CCDC90B: variants seen among roughly 807,000 people sequenced by gnomAD.
CCDC90B encodes coiled-coil domain-containing protein 90B, mitochondrial.
A neutral mutation model predicts 37.0 loss-of-function variants in CCDC90B; 24 were observed. The observed-to-expected ratio is 0.65, with a 90% CI of 0.47 to 0.91. The LOEUF is 0.91. Ranked by LOEUF, CCDC90B falls within the 40% of genes least tolerant of loss-of-function variation. The pLI is 0.00. For synonymous variants in CCDC90B, 113 were observed against 101.1 expected (o/e 1.12, Z -0.71); for missense variants, 319 against 299.0 (o/e 1.07, Z -0.49).
At chr11:83,277,008 T>A (rs1865076148) in intron 3 of CCDC90B, among the ~76,000 whole-genome samples, 1 of 152,146 alleles carries the variant, frequency 6.6e-6, no homozygotes, top group Non-Finnish European at 1.5e-5. Flanking sequence ...CTTCATGACA[T>A]CTCTGTGCCT....
chr11:83,269,011 A>C (rs1864471414), intron 7 of CCDC90B, among the ~76,000 whole-genome samples: 1 of 152,240 alleles, frequency 6.6e-6, no homozygotes, highest in Admixed American at 6.5e-5. Flanking sequence ...CTACTGAATG[A>C]CTACTGGGTA....
Position 83,278,769 on chromosome 11 carries a change from C to T in CCDC90B, c.281G>A (p.Ser94Asn), listed in dbSNP as rs747463863. 1.2e-6 allele frequency: 2 copies of T among 1,613,480 alleles called. No individual in the cohort carries two copies. The highest frequency in any genetic ancestry group is 4.5e-5 in the East Asian group (2 of 44,798). The change falls in exon 3 of 9, where the codon AGC becomes AAC. Residue 94 changes from serine (S) to asparagine (N), a missense_variant. Transcript: ENST00000529689. ...VSALTALSNV[S>N]LDTIYKEMVT... ...CATCTCTTTATAGATAGTATCCAGG[C>T]TGACATTTGATAAAGCAGTTAACGC...
At chr11:83,268,442 AGC>A (rs1210384544) in intron 7 of CCDC90B, among the ~76,000 whole-genome samples, 57 of 145,594 alleles carry the variant, frequency 3.9e-4, no homozygotes, top group Non-Finnish European at 7.1e-4. Context: ...AAAAAAAAAA[AGC>A]AGGGGTTGCA....
In CCDC90B at chr11:83,261,859, C is replaced by A; in HGVS notation, c.*52G>T. 7.6e-7 allele frequency: 1 copy of A among 1,314,780 alleles called. No individual in the cohort carries two copies. The highest frequency in any genetic ancestry group is 1.3e-5 in the South Asian group (1 of 78,382). The allele number at this position is 1,314,780 out of a possible 1,614,324, so 81.4% of individuals were successfully genotyped here. ...CTGACAATGTTCAAAGTAAATCTCTCCCGGTTTGGTGTTCTAAGAAGCCAA... is the reference window on the plus strand; with the variant it reads ...CTGACAATGTTCAAAGTAAATCTCTACCGGTTTGGTGTTCTAAGAAGCCAA... On this transcript the variant is annotated 3_prime_UTR_variant, in exon 9 of 9. Transcript: ENST00000529689.
chr11:83,274,507 T>C (rs2135635609), intron 4 of CCDC90B, 132 bp downstream of exon 4: 2 of 540,188 alleles, frequency 3.7e-6, no homozygotes, highest in Non-Finnish European at 6.5e-6. Context: ...AAATAGTATG[T>C]TTTTAAATCT....
At position 83,261,944 on chromosome 11, in the gene CCDC90B, T is replaced by C. The variant is rs757997773; in HGVS notation, c.732A>G (p.Ala244=). ...YLAASVFTCL[A]IALGFYRFWK is the part of the protein sequence containing the mutation. ...AGAATCTATAAAATCCCAATGCTAT[T>C]GCCAGGCAAGTAAACACCGAAGCTG... Residue 244 remains alanine (A), a synonymous_variant, in exon 9 of 9, where the codon GCA becomes GCG. Transcript: ENST00000529689. 1.2e-4 allele frequency: 187 copies of C among 1,602,448 alleles called. No individual in the cohort carries two copies. Among genetic ancestry groups the C allele is most frequent in the Non-Finnish European group, 1.5e-4 (176 of 1,174,324 alleles).
intron 7 of CCDC90B, among the ~76,000 whole-genome samples, chr11:83,271,338 C>A (rs928613721): frequency 1.3e-5 from 2 of 152,174 alleles, no homozygotes; most frequent in African/African-American, 4.8e-5. Flanking sequence ...GAACAGGCAA[C>A]CTACAGAATG....
chr11:83,285,846 C>A (rs371096895), intron 1 of CCDC90B, 27 bp downstream of exon 1: 1 of 1,599,138 alleles, frequency 6.3e-7, no homozygotes, highest in South Asian at 1.1e-5. Context: ...AGCACTCAGG[C>A]ATCTATGACA....
At chr11:83,263,064 A>G (rs1171920083) in intron 8 of CCDC90B, among the ~76,000 whole-genome samples, 4 of 152,100 alleles carry the variant, frequency 2.6e-5, no homozygotes, top group Admixed American at 6.6e-5. Flanking sequence ...ATTTAAGACT[A>G]AGTGTACTTG....
chr11:83,285,585 CTT>C (rs920078109), intron 1 of CCDC90B: 2 of 1,284,436 alleles, frequency 1.6e-6, no homozygotes, highest in East Asian at 3.7e-5. Context: ...TTACTAGCCT[CTT>C]GTCACCAAAA....
rs1227719827 is a variant in CCDC90B at position 83,286,234 on chromosome 11, C to G, written c.-262G>C. The G allele has an allele frequency of 6.6e-7, 1 of 1,503,988 alleles. No individual in the cohort carries two copies. Among genetic ancestry groups the G allele is most frequent in the Non-Finnish European group, 8.9e-7 (1 of 1,120,974 alleles). 93.2% of individuals were successfully genotyped at this position (1,503,988 alleles called of 1,614,324 possible). On this transcript the variant is annotated 5_prime_UTR_variant, in exon 1 of 9. The change abolishes the stop of an existing upstream ORF in the 5' untranslated region. Coordinates refer to ENST00000529689, the MANE Select transcript of CCDC90B (RefSeq NM_021825.5). ...CCGACCTTTGAACGCCTTCACCGCCCTAGGAAAGCGAGATCTTGTCAGAGA... is the reference window on the plus strand; with the variant it reads ...CCGACCTTTGAACGCCTTCACCGCCGTAGGAAAGCGAGATCTTGTCAGAGA...
chr11:83,259,127 T>G lies in CCDC90B; in HGVS notation c.*2784A>C, dbSNP rs1863826845. ...GAGTATCATTTATTCCACAGGCGTT[T>G]AACAAGTACCTCACATGTGTCTAGA... On this transcript the variant is annotated 3_prime_UTR_variant, in exon 9 of 9. Coordinates refer to ENST00000529689, the MANE Select transcript of CCDC90B (RefSeq NM_021825.5). 6.6e-6 allele frequency: 1 copy of G among 152,242 alleles called. No homozygotes were observed. The highest frequency in any genetic ancestry group is 2.4e-5 in the African/African-American group (1 of 41,476). The allele number at this position is 152,242 out of a possible 1,614,324, so 9.4% of individuals were successfully genotyped here. A position where few individuals can be genotyped will look rare whatever the true frequency, so the allele number is the denominator to read the frequency against.
Position 83,286,359 on chromosome 11 carries a change from G to C in CCDC90B, c.-387C>G. ...ACGCGCTTGGGTCGGGGGAGATGGA[G>C]TCGCATTTAGCCGCACAGCAGCCTG... On this transcript the variant is annotated 5_prime_UTR_variant, in exon 1 of 9. Transcript: ENST00000529689. The C allele has an allele frequency of 1.5e-6, 1 of 654,440 alleles. No homozygotes were observed. The highest frequency in any genetic ancestry group is 2.6e-6 in the Non-Finnish European group (1 of 387,612). 40.5% of individuals were successfully genotyped at this position (654,440 alleles called of 1,614,324 possible).
intron 2 of CCDC90B, among the ~76,000 whole-genome samples, chr11:83,279,311 AC>A (rs1347398302): frequency 5.3e-5 from 8 of 152,112 alleles, no homozygotes; most frequent in Non-Finnish European, 1.0e-4. Flanking sequence ...AAACAAAAAA[AC>A]AAACTCTAAA....
At chr11:83,278,544 C>T (rs1376617644) in intron 3 of CCDC90B, among the ~76,000 whole-genome samples, 182 bp downstream of exon 3, 1 of 152,200 alleles carries the variant, frequency 6.6e-6, no homozygotes, top group East Asian at 1.9e-4. Context: ...AATATTATTA[C>T]AACTATTCTA....
At chr11:83,272,587 T>C (rs1192308166) in intron 7 of CCDC90B, among the ~76,000 whole-genome samples, 3 of 152,074 alleles carry the variant, frequency 2.0e-5, no homozygotes, top group Non-Finnish European at 4.4e-5. Flanking sequence ...GATACAGGTA[T>C]AGGGGACAAA....
At position 83,286,108 on chromosome 11, in the gene CCDC90B, G is replaced by A; in HGVS notation, c.-136C>T. The A allele has an allele frequency of 1.3e-6, 2 of 1,536,612 alleles. No homozygotes were observed. Among genetic ancestry groups the A allele is most frequent in the South Asian group, 2.4e-5 (2 of 84,060 alleles). ...CTCTGTCACAAGCTCACCTCCCAGC[G>A]CAGGCGCCACCGTGGTCCCACGAAA... is the stretch of plus-strand genomic sequence containing the variant. On this transcript the variant is annotated 5_prime_UTR_variant, in exon 1 of 9. Transcript: ENST00000529689.
intron 1 of CCDC90B, among the ~76,000 whole-genome samples, chr11:83,283,868 G>C (rs1865533234): frequency 6.6e-6 from 1 of 152,120 alleles, no homozygotes; most frequent in Non-Finnish European, 1.5e-5. Context: ...AGGCTGAAGT[G>C]GGAGGATCAC....
At position 83,286,344 on chromosome 11, in the gene CCDC90B, G is replaced by A. The variant is rs963121809; in HGVS notation, c.-372C>T. On this transcript the variant is annotated 5_prime_UTR_variant, in exon 1 of 9. Coordinates refer to ENST00000529689, the MANE Select transcript of CCDC90B (RefSeq NM_021825.5). The stretch of plus-strand genomic sequence containing the variant: ...TAGCCAGCGGCCATTACGCGCTTGG[G>A]TCGGGGGAGATGGAGTCGCATTTAG... The A allele has an allele frequency of 4.2e-6, 3 of 716,888 alleles. No individual in the cohort carries two copies. The highest frequency in any genetic ancestry group is 6.8e-6 in the Non-Finnish European group (3 of 443,152). 44.4% of individuals were successfully genotyped at this position (716,888 alleles called of 1,614,324 possible). A position where few individuals can be genotyped will look rare whatever the true frequency, so the allele number is the denominator to read the frequency against.
Sources: gnomAD v4.1 joint callset for allele counts (sites outside exome capture counted in the v4.1 genomes callset) on GRCh38, gnomAD v4.1.1 for gene constraint, MANE v1.5 for transcripts, NCBI Gene and HGNC (gene_info 2026-07-23, HGNC 2026-07-21) for gene names.